The following NAV2 variants were observed in gnomAD, a reference collection of about 807,000 sequenced individuals.
NAV2 encodes the protein helicase, APC down-regulated 1.
A neutral mutation model predicts 223.2 loss-of-function variants in NAV2; 54 were observed. The ratio of observed to expected loss-of-function variants is 0.24; its 90% confidence interval spans 0.19 to 0.30. NAV2 has a LOEUF of 0.30. NAV2 is among the 10% of genes least tolerant of loss of function. The pLI, the probability that NAV2 is intolerant of heterozygous loss-of-function variation, is 1.00. For synonymous variants in NAV2, 1,279 were observed against 1,239.3 expected (o/e 1.03, Z -0.67); for missense variants, 2,806 against 3,147.5 (o/e 0.89, Z 2.60).
At chr11:19,644,623 A>C (rs1415845791) in intron 1 of NAV2, among the ~76,000 whole-genome samples, 1 of 152,184 alleles carries the variant, frequency 6.6e-6, no homozygotes, top group Non-Finnish European at 1.5e-5. Flanking sequence ...GCTCTTGCTG[A>C]GACTGGGAGA....
At chr11:19,401,285 T>C (rs1849674782) in intron 1 of NAV2, among the ~76,000 whole-genome samples, 1 of 152,226 alleles carries the variant, frequency 6.6e-6, no homozygotes, top group Admixed American at 6.5e-5. Flanking sequence ...GGGATATTCA[T>C]GTAAAATATA....
chr11:19,615,538 A>G (rs1294113894), intron 1 of NAV2, among the ~76,000 whole-genome samples: 2 of 152,096 alleles, frequency 1.3e-5, no homozygotes, highest in Admixed American at 1.3e-4. Flanking sequence ...CATATATAAA[A>G]TGCATTTTTA....
intron 1 of NAV2, among the ~76,000 whole-genome samples, chr11:19,679,322 T>C (rs1038487895): frequency 1.3e-4 from 20 of 152,056 alleles, no homozygotes; most frequent in African/African-American, 2.4e-5. Flanking sequence ...TCTCAGCTAC[T>C]CTGGAGGCTG....
At chr11:19,738,582 C>G (rs1331166544) in intron 1 of NAV2, among the ~76,000 whole-genome samples, 1 of 152,208 alleles carries the variant, frequency 6.6e-6, no homozygotes, top group Admixed American at 6.5e-5. Context: ...AGTATCCTGA[C>G]ACCAGGTTTG....
rs567769726 is a variant in NAV2 at position 19,851,581 on chromosome 11, G to T, written c.438+8658G>T. ...ACCTTCTAGGGTTGTTGTGATGGGG[G>T]TATAAAAGGCACCTGGTCTCATCCT... On this transcript the variant is annotated intron_variant, in intron 3 of 37. Coordinates refer to ENST00000349880, the MANE Select transcript of NAV2 (RefSeq NM_145117.5). Among the ~76,000 whole-genome samples the T allele has an allele frequency of 3.9e-5, 6 of 152,304 alleles. No individual in the cohort carries two copies. In the East Asian group the frequency reaches 7.7e-4, roughly 20 times the overall value.
intron 11 of NAV2, among the ~76,000 whole-genome samples, chr11:20,019,785 C>T (rs1485251357): frequency 1.3e-5 from 2 of 151,920 alleles, no homozygotes; most frequent in Non-Finnish European, 2.9e-5. Flanking sequence ...GTCGATGCTA[C>T]CTGCTGCTGA....
intron 1 of NAV2, among the ~76,000 whole-genome samples, chr11:19,451,927 C>A (rs988173812): frequency 6.6e-6 from 1 of 152,146 alleles, no homozygotes; most frequent in African/African-American, 2.4e-5. Flanking sequence ...GTAGGCCAGA[C>A]CAAAGGTGGG....
upstream of NAV2, among the ~76,000 whole-genome samples, chr11:19,708,446 A>G (rs1245607419): frequency 6.6e-6 from 1 of 152,150 alleles, no homozygotes; most frequent in East Asian, 1.9e-4. Flanking sequence ...AAGGCTGTAG[A>G]CTTTTCCCCC....
chr11:19,585,075 C>T lies in NAV2; in HGVS notation c.75+234048C>T, dbSNP rs1263292484. 2.6e-5 allele frequency among the ~76,000 whole-genome samples: 4 copies of T among 152,078 alleles called. No homozygotes were observed. In the South Asian group the frequency reaches 6.2e-4, roughly 24 times the overall value. On this transcript the variant is annotated intron_variant, in intron 1 of 37. Coordinates refer to the NAV2 transcript ENST00000360655. ...AATCTGGGTGCTCCTATATTGGGTGCGTATATATTTAGGATAGTTAGCTCT... is the reference window on the plus strand; with the variant it reads ...AATCTGGGTGCTCCTATATTGGGTGTGTATATATTTAGGATAGTTAGCTCT...
chr11:19,678,933 C>T (rs1324834249), intron 1 of NAV2, among the ~76,000 whole-genome samples: 1 of 152,220 alleles, frequency 6.6e-6, no homozygotes, highest in South Asian at 2.1e-4. Context: ...CTAAACCGAC[C>T]TCTCTCAGGC....
At chr11:19,677,804 G>C (rs1009313186) in intron 1 of NAV2, among the ~76,000 whole-genome samples, 1 of 152,210 alleles carries the variant, frequency 6.6e-6, no homozygotes, top group African/African-American at 2.4e-5. Context: ...ATTCGTTTCT[G>C]TATTGTCCAT....
chr11:20,060,755 C>T (rs528939499), intron 19 of NAV2, among the ~76,000 whole-genome samples: 133 of 152,300 alleles, frequency 8.7e-4, no homozygotes, highest in Non-Finnish European at 1.8e-3. Context: ...GCAGCCTAAA[C>T]GAAGAGAACT....
At chr11:20,093,726 G>A (rs968078418) in intron 29 of NAV2, among the ~76,000 whole-genome samples, 4 of 152,112 alleles carry the variant, frequency 2.6e-5, no homozygotes, top group African/African-American at 7.2e-5. Context: ...CAAGGCTGGG[G>A]AATCCGAGTT....
intron 1 of NAV2, among the ~76,000 whole-genome samples, chr11:19,422,386 C>T (rs1364655968): frequency 6.6e-6 from 1 of 152,164 alleles, no homozygotes; most frequent in Non-Finnish European, 1.5e-5. Flanking sequence ...TGGCCAGCCT[C>T]ATAGGCTGCC....
intron 1 of NAV2, among the ~76,000 whole-genome samples, chr11:19,576,792 C>A (rs889008490): frequency 6.6e-6 from 1 of 152,164 alleles, no homozygotes; most frequent in Non-Finnish European, 1.5e-5. Flanking sequence ...GAACCCTGAG[C>A]CTTTCTCATC....
chr11:19,996,450 G>A (rs2051899308), intron 11 of NAV2, among the ~76,000 whole-genome samples: 1 of 152,230 alleles, frequency 6.6e-6, no homozygotes, highest in Non-Finnish European at 1.5e-5. Context: ...TCAGGCTCAG[G>A]CCAAGCTCTG....
intron 1 of NAV2, among the ~76,000 whole-genome samples, chr11:19,746,067 A>G (rs1435943671): frequency 2.0e-5 from 3 of 152,240 alleles, no homozygotes; most frequent in Non-Finnish European, 1.5e-5. Flanking sequence ...TGAAGACACT[A>G]AAACAGAGAA....
intron 10 of NAV2, 118 bp from the exon 11 acceptor site, chr11:19,984,007 C>A: frequency 7.6e-7 from 1 of 1,320,666 alleles, no homozygotes; most frequent in Non-Finnish European, 1.1e-6. Context: ...CTCAGGGAAT[C>A]CTCCGTTTCT....
At chr11:20,001,864 AATC>A (rs745635563) in intron 11 of NAV2, among the ~76,000 whole-genome samples, 1 of 152,018 alleles carries the variant, frequency 6.6e-6, no homozygotes, top group Non-Finnish European at 1.5e-5. Context: ...TAAAAAAAAA[AATC>A]AGGGCAAGCC....
Sources: allele counts gnomAD v4.1 joint callset (sites outside exome capture counted in the v4.1 genomes callset), GRCh38; gene constraint gnomAD v4.1.1; transcripts MANE v1.5; gene names NCBI Gene and HGNC (gene_info 2026-07-23, HGNC 2026-07-21).